Variants in MEP1B observed in about 807,000 individuals in gnomAD.
MEP1B encodes N-benzoyl-L-tyrosyl-P-amino-benzoic acid hydrolase subunit beta.
In MEP1B, 80 loss-of-function variants were observed where a neutral mutation model predicts 84.6. That is an observed-to-expected ratio of 0.95 (90% CI 0.79 to 1.14). MEP1B has a LOEUF of 1.14. Ranked by LOEUF, MEP1B falls within the 50% of genes most tolerant of loss-of-function variation. The pLI, the probability that MEP1B is intolerant of heterozygous loss-of-function variation, is 0.00. For synonymous variants in MEP1B, 273 were observed against 288.1 expected (o/e 0.95, Z 0.53); for missense variants, 766 against 855.1 (o/e 0.90, Z 1.30).
At chr18:32,218,391 C>G (rs867485697) in intron 14 of MEP1B, among the ~76,000 whole-genome samples, 2 of 152,118 alleles carry the variant, frequency 1.3e-5, no homozygotes, top group Admixed American at 1.3e-4. Context: ...TTTGGGGAAG[C>G]TTTTTCATTA....
chr18:32,213,617 T>C (rs1319518029), intron 11 of MEP1B, 58 bp downstream of exon 11: 22 of 1,349,846 alleles, frequency 1.6e-5, no homozygotes, highest in Non-Finnish European at 2.2e-5. Flanking sequence ...GAGGGACTGA[T>C]AATTTTGGGA....
rs2040862413 is a variant in MEP1B, at chr18:32,196,940, G to A, written c.250+1455G>A. ...CTGCTCCCTACACTTGGTTAAACAG[G>A]TGCAGGGCCTGATTGATGGGCTCAC... On this transcript the variant is annotated intron_variant, in intron 5 of 14. Transcript: ENST00000269202. The surrounding 1 kb of genome is among the most constrained non-coding windows in gnomAD (Gnocchi z 4.4). 3.1e-6 allele frequency: 1 copy of A among 318,394 alleles called. No individual in the cohort carries two copies. The highest frequency in any genetic ancestry group is 6.0e-6 in the Non-Finnish European group (1 of 166,744). The allele number at this position is 318,394 out of a possible 1,614,324, so 19.7% of individuals were successfully genotyped here. A position where few individuals can be genotyped will look rare whatever the true frequency, so the allele number is the denominator to read the frequency against.
intron 12 of MEP1B, 36 bp from the exon 13 acceptor site, chr18:32,216,955 G>A: frequency 1.9e-6 from 3 of 1,597,516 alleles, no homozygotes; most frequent in Non-Finnish European, 2.6e-6. Flanking sequence ...TTAAACAAAA[G>A]CTGATTTCCA....
rs758716143 is a variant in MEP1B, at chr18:32,207,352, C to T, written c.648C>T (p.Phe216=). The T allele has an allele frequency of 3.1e-6, 5 of 1,612,860 alleles. No individual in the cohort carries two copies. The highest frequency in any genetic ancestry group is 4.2e-6 in the Non-Finnish European group (5 of 1,179,174). ...TAATGCACTACAGTAAAACTGCATT[C>T]CAAAATGGAACAGAGCCGACAATTG... is the stretch of plus-strand genomic sequence containing the variant. ...TSVMHYSKTA[F]QNGTEPTIVT... Residue 216 remains phenylalanine (F), a synonymous_variant, in exon 8 of 15, where the codon TTC becomes TTT. Coordinates refer to ENST00000269202, the MANE Select transcript of MEP1B (RefSeq NM_005925.3).
intron 1 of MEP1B, among the ~76,000 whole-genome samples, chr18:32,190,591 G>T (rs1175785629): frequency 2.0e-5 from 3 of 152,110 alleles, no homozygotes; most frequent in African/African-American, 7.2e-5. Flanking sequence ...CTATCAGGTA[G>T]TTTGTATCAC....
Position 32,206,107 on chromosome 18 carries a change from G to A in MEP1B, c.548-1145G>A, listed in dbSNP as rs908462505. ...AGTGATTCTCCTGCCTCAGCCTCCC[G>A]AGTAACTGGGATTATAGGCGCCCGC... On this transcript the variant is annotated intron_variant, in intron 7 of 14. Coordinates refer to ENST00000269202, the MANE Select transcript of MEP1B (RefSeq NM_005925.3). Among the ~76,000 whole-genome samples the A allele has an allele frequency of 2.6e-5, 4 of 152,064 alleles. No individual in the cohort carries two copies. The South Asian group carries it at 6.2e-4, about 24-fold the overall frequency.
At chr18:32,194,537 C>T (rs567709772) in intron 4 of MEP1B, among the ~76,000 whole-genome samples, 4 of 152,094 alleles carry the variant, frequency 2.6e-5, no homozygotes, top group African/African-American at 9.6e-5. Context: ...TTATCTCATC[C>T]ACGTTCTCTC....
At position 32,202,947 on chromosome 18, in the gene MEP1B, C is replaced by T; in HGVS notation, c.305C>T (p.Thr102Ile). ...GCATTTGAACGTTATCGCCTTAAAACATGTATTGACTTTAAGCCTTGGGCT... is the reference window on the plus strand; with the variant it reads ...GCATTTGAACGTTATCGCCTTAAAATATGTATTGACTTTAAGCCTTGGGCT... ...LNAFERYRLK[T>I]CIDFKPWAGE... The change falls in exon 6 of 15, where the codon ACA becomes ATA. Residue 102 changes from threonine to isoleucine, a missense_variant. By Grantham distance (89) the Thr-to-Ile change is moderately conservative. Transcript: ENST00000269202. 6.2e-7 allele frequency: 1 copy of T among 1,612,968 alleles called. No individual in the cohort carries two copies.
At chr18:32,206,568 T>G (rs938946245) in intron 7 of MEP1B, among the ~76,000 whole-genome samples, 2 of 151,964 alleles carry the variant, frequency 1.3e-5, no homozygotes, top group African/African-American at 4.8e-5. Flanking sequence ...TAGCTGGGAC[T>G]ACAGGCATGC....
chr18:32,206,326 C>T (rs2040963957), intron 7 of MEP1B, among the ~76,000 whole-genome samples: 1 of 152,120 alleles, frequency 6.6e-6, no homozygotes, highest in African/African-American at 2.4e-5. Flanking sequence ...TCCCAGGTTT[C>T]ATCTCACCAT....
chr18:32,207,287 A>G lies in MEP1B; in HGVS notation c.583A>G (p.Ile195Val), dbSNP rs756312097. 31 of 1,612,976 alleles carry G rather than the reference A, an allele frequency of 1.9e-5. No individual in the cohort carries two copies. Among genetic ancestry groups the G allele is most frequent in the Non-Finnish European group, 2.6e-5 (31 of 1,179,132 alleles). The change falls in exon 8 of 15, where the codon ATA becomes GTA. Residue 195 changes from isoleucine (I) to valine (V), a missense_variant. Transcript: ENST00000269202. ...CAATTTTAACACCTATAGTGACGATATATCAGATTCCCTGAATGTTCCCTA... is the reference window on the plus strand; with the variant it reads ...CAATTTTAACACCTATAGTGACGATGTATCAGATTCCCTGAATGTTCCCTA... ...EHNFNTYSDD[I>V]SDSLNVPYDY... is the part of the protein sequence containing the mutation.
chr18:32,193,208 A>G (rs16962786), intron 4 of MEP1B, among the ~76,000 whole-genome samples: 12,479 of 152,202 alleles, frequency 0.082, 560 homozygotes, highest in South Asian at 0.16. Flanking sequence ...ACCCCAATAA[A>G]TAGATTTTGT....
At chr18:32,201,333 CGGCA>C (rs2040910503) in intron 5 of MEP1B, among the ~76,000 whole-genome samples, 1 of 151,214 alleles carries the variant, frequency 6.6e-6, no homozygotes, top group Non-Finnish European at 1.5e-5. Context: ...CACACACACA[CGGCA>C]TACTATTTCA....
At chr18:32,195,288 ACAATTTG>A in intron 4 of MEP1B, 112 bp from the exon 5 acceptor site, 1 of 649,774 alleles carries the variant, frequency 1.5e-6, no homozygotes, top group Non-Finnish European at 2.8e-6. Context: ...ACACACACAC[ACAATTTG>A]TTTGTGCGAA....
At chr18:32,210,857 C>G in intron 10 of MEP1B, 141 bp downstream of exon 10, 2 of 684,542 alleles carry the variant, frequency 2.9e-6, no homozygotes, top group Non-Finnish European at 2.5e-6. Flanking sequence ...TTGTTTTAAG[C>G]TGTGGAAAGG....
At position 32,192,899 on chromosome 18, in the gene MEP1B, A is replaced by T. The variant is rs1425977392; in HGVS notation, c.171+82A>T. 5.4e-6 allele frequency: 6 copies of T among 1,113,756 alleles called. No individual in the cohort carries two copies. In the Admixed American group the frequency reaches 1.1e-4, roughly 21 times the overall value. 69.0% of individuals were successfully genotyped at this position (1,113,756 alleles called of 1,614,324 possible). On this transcript the variant is annotated intron_variant, in intron 4 of 14. Transcript: ENST00000269202. ...GAGTAACTGAGAAAGATTAGACAGC[A>T]TGAACTTTGTTAAGCCTAACTATCT...
Position 32,213,174 on chromosome 18 carries a change from T to G in MEP1B, c.1194T>G (p.Phe398Leu), listed in dbSNP as rs1458554615. ...TAACATTGAAAGTGACCAAGAAGTT[T>G]AGAGTGGTGTTTGAAGGACGCAAAG... ...YHVTLKVTKK[F>L]RVVFEGRKGS... is the part of the protein sequence containing the mutation. The change falls in exon 11 of 15, where the codon TTT becomes TTG. Residue 398 changes from phenylalanine (F) to leucine (L), a missense_variant. Phe to Leu is a conservative substitution (Grantham distance 22, BLOSUM62 0). Transcript: ENST00000269202. 2 of 1,614,002 alleles carry G rather than the reference T, an allele frequency of 1.2e-6. No homozygotes were observed. The highest frequency in any genetic ancestry group is 2.2e-5 in the East Asian group (1 of 44,886).
Position 32,210,546 on chromosome 18 carries a change from G to A in MEP1B, c.965G>A (p.Gly322Glu), listed in dbSNP as rs754572335. The A allele has an allele frequency of 6.2e-7, 1 of 1,613,940 alleles. No homozygotes were observed. Among genetic ancestry groups the A allele is most frequent in the Non-Finnish European group, 8.5e-7 (1 of 1,179,890 alleles). The change falls in exon 10 of 15, where the codon GGG becomes GAG. Residue 322 changes from glycine (G) to glutamate (E), a missense_variant. Gly to Glu is a moderately conservative substitution (Grantham distance 98, BLOSUM62 -2). Coordinates refer to ENST00000269202, the MANE Select transcript of MEP1B (RefSeq NM_005925.3). Reference protein sequence around the residue: ...MHFDSSSVNVGATAVLESRTL... With the variant: ...MHFDSSSVNVEATAVLESRTL... ...TTCGATAGCAGCTCTGTAAATGTGG[G>A]GGCCACAGCAGTGCTGGAAAGTAGA...
chr18:32,206,713 C>G (rs8085389), intron 7 of MEP1B, among the ~76,000 whole-genome samples: 19,165 of 152,034 alleles, frequency 0.13, 1,944 homozygotes, highest in African/African-American at 0.28. Context: ...CTGGGTTCAA[C>G]CAATTCTCCT....
Sources: gnomAD v4.1 joint callset for allele counts (sites outside exome capture counted in the v4.1 genomes callset) on GRCh38, gnomAD v4.1.1 for gene constraint, Gnocchi (gnomAD v3.1) non-coding constraint, MANE v1.5 for transcripts, NCBI Gene and HGNC (gene_info 2026-07-23, HGNC 2026-07-21) for gene names.